KIAA1549L: variants seen among roughly 807,000 people sequenced by gnomAD.
The protein encoded by KIAA1549L is UPF0606 protein KIAA1549L.
Under a neutral mutation model 160.7 loss-of-function variants are expected in KIAA1549L, and 88 were observed. That is an observed-to-expected ratio of 0.55 (90% CI 0.46 to 0.65). The LOEUF (loss-of-function observed/expected upper bound fraction) is 0.65, where lower values mean the gene tolerates loss of function less well. KIAA1549L is among the 30% of genes least tolerant of loss of function. The pLI, the probability that KIAA1549L is intolerant of heterozygous loss-of-function variation, is 0.00. For missense variants in KIAA1549L, 2,258 were observed against 2,437.5 expected, an observed-to-expected ratio of 0.93 and a Z score of 1.55; for synonymous variants, 950 against 976.7, an observed-to-expected ratio of 0.97 and a Z score of 0.51.
chr11:33,450,902 G>A (rs1396215105), intron 1 of KIAA1549L: 2 of 152,312 alleles, frequency 1.3e-5, no homozygotes, highest in Non-Finnish European at 1.5e-5. Flanking sequence ...TCTTACTGAT[G>A]GTGTAGCTGT....
chr11:33,656,288 G>A (rs1590451461), intron 18 of KIAA1549L, among the ~76,000 whole-genome samples, 179 bp downstream of exon 18: 1 of 152,238 alleles, frequency 6.6e-6, no homozygotes, highest in East Asian at 1.9e-4. Context: ...AACAGATCAC[G>A]GTGCTTTTGT....
chr11:33,558,452 C>T lies in KIAA1549L; in HGVS notation c.3856-1297C>T, dbSNP rs148519058. ...CTCCTCCCTCTCTCCCATATCCTCC[C>T]GAAGGCAGTGGAGCCCACTGGGGTT... On this transcript the variant is annotated intron_variant, in intron 6 of 20. Coordinates refer to ENST00000658780, the MANE Select transcript of KIAA1549L (RefSeq NM_012194.3). Among the ~76,000 whole-genome samples the T allele has an allele frequency of 1.3e-3, 192 of 152,262 alleles. 2 individuals are homozygous for T. Among genetic ancestry groups the T allele is most frequent in the African/African-American group, 4.4e-3 (181 of 41,548 alleles).
intron 12 of KIAA1549L, among the ~76,000 whole-genome samples, chr11:33,593,912 C>G (rs956030753): frequency 6.6e-6 from 1 of 151,880 alleles, no homozygotes; most frequent in Non-Finnish European, 1.5e-5. Context: ...GAAGAATCAC[C>G]TAGGAGAGTA....
chr11:33,562,739 C>T (rs939807527), intron 8 of KIAA1549L, among the ~76,000 whole-genome samples: 6 of 147,508 alleles, frequency 4.1e-5, no homozygotes, highest in Non-Finnish European at 7.4e-5. Flanking sequence ...AGTGCAATGA[C>T]GCGGTCTCGG....
chr11:33,545,395 C>G lies in KIAA1549L; in HGVS notation c.3385+17C>G. The G allele has an allele frequency of 6.3e-7, 1 of 1,590,800 alleles. No homozygotes were observed. Among genetic ancestry groups the G allele is most frequent in the East Asian group, 2.2e-5 (1 of 44,534 alleles). On this transcript the variant is annotated intron_variant, in intron 3 of 20. Coordinates refer to ENST00000658780, the MANE Select transcript of KIAA1549L (RefSeq NM_012194.3). ...TGAAGACAGGTATGAGACCACTGTT[C>G]TGATCTGAAAGCAGCAAGCCTGGCC...
At chr11:33,619,873 A>G (rs2133352598) in intron 16 of KIAA1549L, among the ~76,000 whole-genome samples, 1 of 152,362 alleles carries the variant, frequency 6.6e-6, no homozygotes, top group Admixed American at 6.5e-5. Context: ...TCAGCCTGTG[A>G]TTAAAAATCA....
chr11:33,511,789 C>G (rs1218527277), intron 1 of KIAA1549L, among the ~76,000 whole-genome samples: 1 of 152,180 alleles, frequency 6.6e-6, no homozygotes, highest in African/African-American at 2.4e-5. Context: ...GTTACCCTCT[C>G]TAGCTTAGGT....
In KIAA1549L at chr11:33,668,070, C is replaced by T. The variant is rs765107141; in HGVS notation, c.6357C>T (p.Ser2119=). 24 of 1,613,922 alleles carry T rather than the reference C, an allele frequency of 1.5e-5. No homozygotes were observed. The African/African-American group carries it at 2.8e-4, about 19-fold the overall frequency. ...DPSDAPLTNI[S]TAALVKAIRE... is the part of the protein sequence containing the mutation. ...CTGACGCTCCCCTGACCAACATCTC[C>T]ACTGCGGCCCTTGTGAAGGCCATCC... The change falls in exon 21 of 21, where the codon TCC becomes TCT. Residue 2119 remains serine (S), a synonymous_variant. Transcript: ENST00000658780.
rs144288511 is a variant in KIAA1549L, at chr11:33,572,039, C to CT, written c.4231-2648dup. Among the ~76,000 whole-genome samples, 821 of 144,046 alleles carry CT rather than the reference C, an allele frequency of 5.7e-3. 1 individual carries two copies. Among genetic ancestry groups the CT allele is most frequent in the African/African-American group, 0.012 (463 of 39,730 alleles). The allele number at this position is 144,046 out of a possible 152,430, so 94.5% of individuals were successfully genotyped here. ...TATAGTCCCAACATTTTATTATGAA[C>CT]TTTTTTTTTTTTTTTGAGATAAAGT... On this transcript the variant is annotated intron_variant, in intron 9 of 20. Transcript: ENST00000658780.
intron 1 of KIAA1549L, among the ~76,000 whole-genome samples, chr11:33,402,318 C>T (rs1850519380): frequency 6.6e-6 from 1 of 152,198 alleles, no homozygotes; most frequent in African/African-American, 2.4e-5. Context: ...CCCTGCATAT[C>T]TGATTGGTCC....
chr11:33,663,596 C>G (rs185392891), intron 20 of KIAA1549L, among the ~76,000 whole-genome samples: 1 of 152,162 alleles, frequency 6.6e-6, no homozygotes, highest in Non-Finnish European at 1.5e-5. Flanking sequence ...GACATTGGCT[C>G]TCTCAGCCAC....
At chr11:33,386,613 G>A (rs1850178182) in intron 1 of KIAA1549L, among the ~76,000 whole-genome samples, 1 of 152,196 alleles carries the variant, frequency 6.6e-6, no homozygotes, top group Admixed American at 6.5e-5. Context: ...CACCTGGGAG[G>A]CAGAGGTTGC....
intron 20 of KIAA1549L, among the ~76,000 whole-genome samples, chr11:33,664,371 A>G (rs1852369347): frequency 6.6e-6 from 1 of 152,060 alleles, no homozygotes; most frequent in Non-Finnish European, 1.5e-5. Context: ...TCAGCCGCAC[A>G]TCTCAGGAAC....
chr11:33,561,550 T>G (rs1032627654), intron 7 of KIAA1549L, 126 bp from the exon 8 acceptor site: 1 of 741,986 alleles, frequency 1.3e-6, no homozygotes, highest in Admixed American at 2.4e-5. Flanking sequence ...AAGGACCACT[T>G]GAGCCCAGGA....
At chr11:33,573,901 A>G (rs1333842667) in intron 9 of KIAA1549L, among the ~76,000 whole-genome samples, 1 of 152,224 alleles carries the variant, frequency 6.6e-6, no homozygotes, top group Admixed American at 6.5e-5. Flanking sequence ...GATTGTTTAA[A>G]TAAGTTTATG....
At chr11:33,574,204 G>T (rs1473610038) in intron 9 of KIAA1549L, among the ~76,000 whole-genome samples, 2 of 111,200 alleles carry the variant, frequency 1.8e-5, no homozygotes, top group African/African-American at 4.2e-5. Flanking sequence ...ATAACTTTTA[G>T]GTAAAAAAAA....
intron 1 of KIAA1549L, among the ~76,000 whole-genome samples, chr11:33,488,665 CAGGAAGTAACAGATCAG>C (rs1352963956): frequency 6.6e-6 from 1 of 152,140 alleles, no homozygotes; most frequent in African/African-American, 2.4e-5. Context: ...GATTACTAAC[CAGGAAGTAACAGATCAG>C]AGGTTTGAAC....
intron 12 of KIAA1549L, among the ~76,000 whole-genome samples, chr11:33,596,955 C>T (rs931292409): frequency 1.3e-5 from 2 of 152,146 alleles, no homozygotes; most frequent in Admixed American, 1.3e-4. Context: ...AATCAAATAG[C>T]TGTTGGGTAA....
chr11:33,509,071 A>G (rs1590297943), intron 1 of KIAA1549L, among the ~76,000 whole-genome samples: 1 of 152,096 alleles, frequency 6.6e-6, no homozygotes, highest in East Asian at 1.9e-4. Context: ...ACATCCTAAT[A>G]AAGATTTTCA....
Sources: gnomAD v4.1 joint callset for allele counts (sites outside exome capture counted in the v4.1 genomes callset) on GRCh38, gnomAD v4.1.1 for gene constraint, MANE v1.5 for transcripts, NCBI Gene and HGNC (gene_info 2026-07-23, HGNC 2026-07-21) for gene names.